Variants in FYCO1 observed in about 807,000 individuals in gnomAD.
FYCO1 encodes the protein FYVE and coiled-coil domain-containing protein 1.
A neutral mutation model predicts 165.1 loss-of-function variants in FYCO1; 122 were observed. The observed-to-expected ratio is 0.74, with a 90% CI of 0.64 to 0.86. The LOEUF (loss-of-function observed/expected upper bound fraction) is 0.86, where lower values mean the gene tolerates loss of function less well. Ranked by LOEUF, FYCO1 falls within the 40% of genes least tolerant of loss-of-function variation. The pLI, the probability that FYCO1 is intolerant of heterozygous loss-of-function variation, is 0.00. For missense variants in FYCO1, 1,702 were observed against 1,810.3 expected (o/e 0.94, Z 1.09); for synonymous variants, 648 against 742.5 (o/e 0.87, Z 2.07).
intron 1 of FYCO1, among the ~76,000 whole-genome samples, chr3:45,989,874 G>C (rs1707487155): frequency 6.6e-6 from 1 of 152,122 alleles, no homozygotes; most frequent in Non-Finnish European, 1.5e-5. Flanking sequence ...AGTGAGGTGG[G>C]CAGTTGCTCA....
chr3:45,965,194 C>T, intron 8 of FYCO1, 69 bp from the exon 9 acceptor site: 2 of 1,216,578 alleles, frequency 1.6e-6, no homozygotes, highest in South Asian at 2.4e-5. Context: ...TCAGCCCCCT[C>T]ACCCAAACAG....
At chr3:45,923,786 G>A (rs750997343) in intron 16 of FYCO1, 21 bp from the exon 17 acceptor site, 3 of 1,521,728 alleles carry the variant, frequency 2.0e-6, no homozygotes, top group Non-Finnish European at 2.7e-6. Flanking sequence ...AAGCAGGTAG[G>A]CAAAAACATC....
chr3:45,989,997 T>C (rs1369160146), intron 1 of FYCO1, among the ~76,000 whole-genome samples: 3 of 152,140 alleles, frequency 2.0e-5, no homozygotes, highest in Non-Finnish European at 4.4e-5. Flanking sequence ...CATCAATAAT[T>C]AAGAACTCAA....
rs141954427 is a variant in FYCO1 at position 45,921,087 on chromosome 3, T to C, written c.*678A>G. ...AGGTCTGGCTGAGTGAAGGGCTTTA[T>C]TTGAGGACAGAATCACCCAGACAAA... is the stretch of plus-strand genomic sequence containing the variant. On this transcript the variant is annotated 3_prime_UTR_variant, in exon 18 of 18. Transcript: ENST00000296137. The C allele has an allele frequency of 8.8e-4, 141 of 160,950 alleles. No homozygotes were observed. The highest frequency in any genetic ancestry group is 6.6e-3 in the Middle Eastern group (2 of 302). 10.0% of individuals were successfully genotyped at this position (160,950 alleles called of 1,614,324 possible).
intron 15 of FYCO1, among the ~76,000 whole-genome samples, chr3:45,935,756 T>A (rs973015152): frequency 3.3e-5 from 5 of 152,266 alleles, no homozygotes; most frequent in Non-Finnish European, 7.3e-5. Flanking sequence ...TGTCAACCCC[T>A]GCTGGAATAT....
At chr3:45,945,828 C>G (rs1293930609) in intron 14 of FYCO1, 1 of 152,202 alleles carries the variant, frequency 6.6e-6, no homozygotes, top group African/African-American at 2.4e-5. Flanking sequence ...GCTTTGTTTC[C>G]CCATTAGTAG....
intron 1 of FYCO1, among the ~76,000 whole-genome samples, chr3:45,994,673 A>C (rs1575395102): frequency 1.3e-5 from 2 of 148,292 alleles, no homozygotes; most frequent in African/African-American, 5.0e-5. Context: ...AGCCCCCAAC[A>C]CCCTCCAGCC....
At chr3:45,977,063 G>A (rs1479474356) in intron 4 of FYCO1, among the ~76,000 whole-genome samples, 3 of 152,106 alleles carry the variant, frequency 2.0e-5, no homozygotes, top group African/African-American at 4.8e-5. Context: ...TTCCACTGAC[G>A]ATTGAGGTGA....
At position 45,966,372 on chromosome 3, in the gene FYCO1, G is replaced by C. The variant is rs752559420; in HGVS notation, c.2962C>G (p.Arg988Gly). The C allele has an allele frequency of 1.2e-6, 2 of 1,614,160 alleles. No homozygotes were observed. The highest frequency in any genetic ancestry group is 1.7e-6 in the Non-Finnish European group (2 of 1,179,990). ...GCAGCCTCTTGGAGGCTCTGGGCCC[G>C]CTGCTCTGCCTGGGCGAGCTGGGCC... ...LQAQLAQAEQRAQSLQEAAHQ... is the reference protein window; with the variant it reads ...LQAQLAQAEQGAQSLQEAAHQ... The change falls in exon 8 of 18, where the codon CGG (arginine) becomes GGG (glycine). Residue 988 changes from arginine (R) to glycine (G), a missense_variant. Arg to Gly is a moderately radical substitution (Grantham distance 125, BLOSUM62 -2). Coordinates refer to ENST00000296137, the MANE Select transcript of FYCO1 (RefSeq NM_024513.4).
In FYCO1 at chr3:45,919,125, T is replaced by C. The variant is rs1703009671; in HGVS notation, c.*2640A>G. The C allele has an allele frequency of 6.6e-6, 1 of 152,008 alleles. No individual in the cohort carries two copies. The highest frequency in any genetic ancestry group is 2.1e-4 in the South Asian group (1 of 4,800). The allele number at this position is 152,008 out of a possible 1,614,324, so 9.4% of individuals were successfully genotyped here. ...CCCAAGGACGCTTCCTTCTGGCTGA[T>C]TTCTAGTGTAATTCAGTCTAGCCAG... On this transcript the variant is annotated 3_prime_UTR_variant, in exon 18 of 18. Coordinates refer to ENST00000296137, the MANE Select transcript of FYCO1 (RefSeq NM_024513.4).
chr3:45,986,231 C>T (rs1347588256), intron 1 of FYCO1, among the ~76,000 whole-genome samples: 1 of 152,190 alleles, frequency 6.6e-6, no homozygotes, highest in African/African-American at 2.4e-5. Flanking sequence ...TTTTAAGACT[C>T]AGCCATTGTC....
chr3:45,973,684 C>G (rs1398504292), intron 5 of FYCO1, among the ~76,000 whole-genome samples: 1 of 152,096 alleles, frequency 6.6e-6, no homozygotes, highest in African/African-American at 2.4e-5. Flanking sequence ...CACCGTAAGA[C>G]AGGGTGAGAA....
chr3:45,960,152 T>C (rs1233766539), intron 11 of FYCO1, among the ~76,000 whole-genome samples: 1 of 152,186 alleles, frequency 6.6e-6, no homozygotes, highest in Non-Finnish European at 1.5e-5. Flanking sequence ...CCTGATGCAC[T>C]GGAGGGGGAG....
chr3:45,973,162 A>T lies in FYCO1; in HGVS notation c.465T>A (p.Tyr155Ter). The T allele has an allele frequency of 6.2e-7, 1 of 1,614,226 alleles. No individual in the cohort carries two copies. The highest frequency in any genetic ancestry group is 8.5e-7 in the Non-Finnish European group (1 of 1,180,006). ...KLSSDIVGQL[Y>*]ELTEVQFDLA... is the part of the protein sequence containing the mutation. ...GGTCAAACTGAACCTCAGTCAGCTC[A>T]TAGAGTTGGCCCACAATGTCCGAGC... Residue 155 changes from tyrosine (Y) to a stop codon, truncating the protein, a stop_gained, in exon 6 of 18, where the codon TAT (tyrosine) becomes TAA (stop). Transcript: ENST00000296137. LOFTEE classifies it high-confidence loss of function.
In FYCO1 at chr3:45,968,621, T is replaced by G. The variant is rs117543659; in HGVS notation, c.713A>C (p.Glu238Ala). The change falls in exon 8 of 18, where the codon GAG (glutamate) becomes GCG (alanine). Residue 238 changes from glutamate (E) to alanine (A), a missense_variant. Coordinates refer to ENST00000296137, the MANE Select transcript of FYCO1 (RefSeq NM_024513.4). ...ALEGFDEMRL[E>A]LDQLEVREKQ... ...CTCCCGCACCTCCAACTGGTCCAGC[T>G]CTAGTCGCATCTCATCAAAGCCCTC... The G allele has an allele frequency of 3.7e-4, 601 of 1,614,122 alleles. 3 individuals are homozygous for G. In the East Asian group the frequency reaches 9.8e-3, roughly 26 times the overall value.
At chr3:45,959,302 AC>A (rs1469058439) in intron 12 of FYCO1, 90 bp downstream of exon 12, 2 of 1,395,242 alleles carry the variant, frequency 1.4e-6, no homozygotes, top group Non-Finnish European at 2.0e-6. Flanking sequence ...CATGGTGCCA[AC>A]ACCTATCACA....
chr3:45,921,850 CAG>C lies in FYCO1; in HGVS notation c.4362-12_4362-11del. 6.3e-7 allele frequency: 1 copy of C among 1,594,130 alleles called. No individual in the cohort carries two copies. The highest frequency in any genetic ancestry group is 8.6e-7 in the Non-Finnish European group (1 of 1,161,964). ...CTTTTTAGAGACAAACCTGAGGAAA[CAG>C]AAATGGAAAGGGAGGGTGTTACCTG... On this transcript the variant is annotated splice_polypyrimidine_tract_variant and intron_variant, in intron 17 of 17. Coordinates refer to ENST00000296137, the MANE Select transcript of FYCO1 (RefSeq NM_024513.4).
At chr3:45,990,928 A>G (rs775493988) in intron 1 of FYCO1, among the ~76,000 whole-genome samples, 1 of 151,796 alleles carries the variant, frequency 6.6e-6, no homozygotes, top group Non-Finnish European at 1.5e-5. Flanking sequence ...GCACGCCACC[A>G]CGACTGGCAA....
At chr3:45,942,365 G>A (rs897881940) in intron 14 of FYCO1, among the ~76,000 whole-genome samples, 1 of 152,252 alleles carries the variant, frequency 6.6e-6, no homozygotes, top group African/African-American at 2.4e-5. Context: ...CGGTAGAAAT[G>A]AGTGTTAGTC....
Sources: allele counts gnomAD v4.1 joint callset (sites outside exome capture counted in the v4.1 genomes callset), GRCh38; gene constraint gnomAD v4.1.1; transcripts MANE v1.5; gene names NCBI Gene and HGNC (gene_info 2026-07-23, HGNC 2026-07-21).